The following AFTPH variants were observed in gnomAD, a reference collection of about 807,000 sequenced individuals.
AFTPH encodes aftiphilin.
A neutral mutation model predicts 72.5 loss-of-function variants in AFTPH; 7 were observed. The observed-to-expected ratio is 0.10, with a 90% CI of 0.05 to 0.18. The LOEUF is 0.18. Ranked by LOEUF, AFTPH falls within the 10% of genes least tolerant of loss-of-function variation. The pLI, the probability that AFTPH is intolerant of heterozygous loss-of-function variation, is 1.00. For missense variants in AFTPH, 979 were observed against 1,060.5 expected (o/e 0.92, Z 1.07); for synonymous variants, 337 against 370.1 (o/e 0.91, Z 1.03).
At chr2:64,539,730 A>G (rs1670107859) in intron 1 of AFTPH, among the ~76,000 whole-genome samples, 2 of 152,190 alleles carry the variant, frequency 1.3e-5, no homozygotes, top group African/African-American at 4.8e-5. Context: ...CTATGCCTAC[A>G]CAACATTTAC....
chr2:64,550,889 T>G (rs979966582), intron 1 of AFTPH, among the ~76,000 whole-genome samples: 1 of 152,194 alleles, frequency 6.6e-6, no homozygotes, highest in South Asian at 2.1e-4. Context: ...ATTTCCAACT[T>G]TTTTTGAGTC....
chr2:64,550,065 G>T (rs1021935448), intron 1 of AFTPH, among the ~76,000 whole-genome samples: 3 of 152,032 alleles, frequency 2.0e-5, no homozygotes, highest in African/African-American at 7.3e-5. Context: ...CACACTCCTG[G>T]GTTTATATAT....
Position 64,569,021 on chromosome 2 carries a change from A to G in AFTPH, c.2088-71A>G. 5.2e-6 allele frequency: 8 copies of G among 1,550,720 alleles called. No homozygotes were observed. In the South Asian group the frequency reaches 5.6e-5, roughly 11 times the overall value. ...GGAATGTGTGTTATGTCACAGCCAT[A>G]TTATAAGTAGAACTCATGGTGAAAG... On this transcript the variant is annotated intron_variant, in intron 3 of 8. Transcript: ENST00000238856.
At chr2:64,568,971 A>C in intron 3 of AFTPH, 121 bp from the exon 4 acceptor site, 1 of 1,045,346 alleles carries the variant, frequency 9.6e-7, no homozygotes. Flanking sequence ...ATAGTTATAC[A>C]CTTACGTTGG....
At chr2:64,575,162 AT>A (rs1672685862) in intron 6 of AFTPH, among the ~76,000 whole-genome samples, 1 of 152,090 alleles carries the variant, frequency 6.6e-6, no homozygotes, top group South Asian at 2.1e-4. Context: ...TGTGTATTTC[AT>A]TTTAGTCATA....
intron 1 of AFTPH, among the ~76,000 whole-genome samples, chr2:64,548,350 G>A (rs1432882172): frequency 5.3e-5 from 7 of 131,066 alleles, no homozygotes; most frequent in East Asian, 4.6e-4. Flanking sequence ...CCGAGATTGC[G>A]CCACTGCAGT....
chr2:64,548,407 GAAAAAAAAAAAA>G (rs57995634), intron 1 of AFTPH, among the ~76,000 whole-genome samples: 6 of 59,992 alleles, frequency 1.0e-4, no homozygotes, highest in South Asian at 1.3e-3. Context: ...CTCAAAAAAA[GAAAAAAAAAAAA>G]AAAAAAAAAA....
chr2:64,551,561 G>A (rs1225998443), exon 2 of AFTPH: 1 of 1,614,078 alleles, frequency 6.2e-7, no homozygotes, highest in Admixed American at 1.7e-5. Context: ...ATGAATTTGG[G>A]GAATTTGGTG....
At chr2:64,544,124 G>A (rs976252845) in intron 1 of AFTPH, among the ~76,000 whole-genome samples, 3 of 152,044 alleles carry the variant, frequency 2.0e-5, no homozygotes, top group Non-Finnish European at 4.4e-5. Flanking sequence ...CCTGAAAGTC[G>A]GCTTCAGTTT....
chr2:64,584,867 A>T (rs1474124048), intron 7 of AFTPH, among the ~76,000 whole-genome samples: 2 of 152,126 alleles, frequency 1.3e-5, no homozygotes, highest in Non-Finnish European at 2.9e-5. Flanking sequence ...AAGTGCTGGG[A>T]TTACAGGCGT....
intron 7 of AFTPH, among the ~76,000 whole-genome samples, chr2:64,583,037 A>C (rs989489737): frequency 6.6e-6 from 1 of 152,186 alleles, no homozygotes; most frequent in Non-Finnish European, 1.5e-5. Flanking sequence ...AATATGCTCT[A>C]GATGCTATAT....
chr2:64,589,758 C>T (rs1417321645), intron 8 of AFTPH, among the ~76,000 whole-genome samples: 3 of 152,038 alleles, frequency 2.0e-5, no homozygotes, highest in Non-Finnish European at 4.4e-5. Context: ...CATTTAGGTG[C>T]GCATTTATTC....
intron 1 of AFTPH, among the ~76,000 whole-genome samples, chr2:64,524,922 C>T (rs1669157974): frequency 6.6e-6 from 1 of 152,242 alleles, no homozygotes; most frequent in Non-Finnish European, 1.5e-5. Context: ...CCTTTGCTTC[C>T]ACCTCCCAAA....
intron 2 of AFTPH, among the ~76,000 whole-genome samples, chr2:64,556,366 C>G (rs527503001): frequency 2.3e-4 from 35 of 152,230 alleles, no homozygotes; most frequent in Middle Eastern, 3.4e-3. Flanking sequence ...TCAATCTTAC[C>G]CGGATGCCAC....
At chr2:64,588,394 C>T (rs1407398863) in intron 8 of AFTPH, among the ~76,000 whole-genome samples, 1 of 152,204 alleles carries the variant, frequency 6.6e-6, no homozygotes, top group Non-Finnish European at 1.5e-5. Context: ...AGTGTTGCTG[C>T]TGTGAACACT....
chr2:64,534,047 T>C (rs1049416127), intron 1 of AFTPH, among the ~76,000 whole-genome samples: 2 of 152,188 alleles, frequency 1.3e-5, no homozygotes, highest in African/African-American at 4.8e-5. Flanking sequence ...GAATAGTGTT[T>C]CTGCCTTAGC....
intron 5 of AFTPH, 89 bp from the exon 6 acceptor site, chr2:64,572,857 G>GT (rs1398690873): frequency 1.5e-5 from 23 of 1,526,812 alleles, no homozygotes; most frequent in Non-Finnish European, 1.9e-5. Flanking sequence ...CAAGTGACCT[G>GT]TTTTTTACCT....
intron 1 of AFTPH, among the ~76,000 whole-genome samples, chr2:64,540,404 T>C (rs1572952355): frequency 1.3e-5 from 2 of 152,304 alleles, no homozygotes; most frequent in East Asian, 1.9e-4. Context: ...TCAGCTGATA[T>C]GATGAGTTAA....
chr2:64,542,792 T>C (rs899301121), intron 1 of AFTPH, among the ~76,000 whole-genome samples: 5 of 141,730 alleles, frequency 3.5e-5, no homozygotes, highest in Non-Finnish European at 7.9e-5. Context: ...TTTTAAAATA[T>C]AGAGTCATAT....
Sources: gnomAD v4.1 joint callset for allele counts (sites outside exome capture counted in the v4.1 genomes callset) on GRCh38, gnomAD v4.1.1 for gene constraint, MANE v1.5 for transcripts, NCBI Gene and HGNC (gene_info 2026-07-23, HGNC 2026-07-21) for gene names.